The following SUFU variants were observed in gnomAD, a reference collection of about 807,000 sequenced individuals.
SUFU encodes suppressor of fused homolog.
Under a neutral mutation model 58.9 loss-of-function variants are expected in SUFU, and 7 were observed. The ratio of observed to expected loss-of-function variants is 0.12; its 90% CI spans 0.07 to 0.22. The LOEUF (loss-of-function observed/expected upper bound fraction) is 0.22. Among genes scored for constraint, SUFU ranks in the 10% least tolerant of loss-of-function variants. The pLI is 1.00. For synonymous variants in SUFU, 232 were observed against 254.8 expected (o/e 0.91, Z 0.85); for missense variants, 451 against 641.3 (o/e 0.70, Z 3.20).
chr10:102,559,846 C>T (rs990695322), intron 3 of SUFU, among the ~76,000 whole-genome samples: 2 of 152,190 alleles, frequency 1.3e-5, no homozygotes, highest in Non-Finnish European at 2.9e-5. Flanking sequence ...ATTTCATTTG[C>T]GTTTTTAGGA....
rs532537923 is a variant in SUFU at position 102,577,841 on chromosome 10, C to T, written c.455-14741C>T. Among the ~76,000 whole-genome samples, 26 of 150,904 alleles carry T rather than the reference C, an allele frequency of 1.7e-4. No individual in the cohort carries two copies. The South Asian group carries it at 2.3e-3, about 13-fold the overall frequency. On this transcript the variant is annotated intron_variant, in intron 3 of 11. Coordinates refer to ENST00000369902, the MANE Select transcript of SUFU (RefSeq NM_016169.4). ...GACTACAGGTGCCCACCACCATGCC[C>T]GGCTAATTTTTTTGTATTTTTAGTA...
At chr10:102,582,168 T>C (rs2063287138) in intron 3 of SUFU, among the ~76,000 whole-genome samples, 1 of 152,222 alleles carries the variant, frequency 6.6e-6, no homozygotes, top group Non-Finnish European at 1.5e-5. Flanking sequence ...AAGGGAACAT[T>C]AGTCCCCGCT....
chr10:102,579,189 G>A (rs1316388919), intron 3 of SUFU, among the ~76,000 whole-genome samples: 1 of 152,218 alleles, frequency 6.6e-6, no homozygotes, highest in Non-Finnish European at 1.5e-5. Flanking sequence ...ACAAGCTGTG[G>A]CCAGGTGAAC....
At chr10:102,572,124 G>T (rs570915734) in intron 3 of SUFU, among the ~76,000 whole-genome samples, 1 of 152,246 alleles carries the variant, frequency 6.6e-6, no homozygotes, top group South Asian at 2.1e-4. Flanking sequence ...GGAGTGCAAT[G>T]ATATGATCTT....
Position 102,594,180 on chromosome 10 carries a change from A to G in SUFU, c.756+115A>G, listed in dbSNP as rs966218051. ...CCTTTATGTGTGAGTGAGTAGAAATATGGCATCACTTGGAACTTGTCCCCT... is the reference window on the plus strand; with the variant it reads ...CCTTTATGTGTGAGTGAGTAGAAATGTGGCATCACTTGGAACTTGTCCCCT... On this transcript the variant is annotated intron_variant, in intron 6 of 11. Coordinates refer to ENST00000369902, the MANE Select transcript of SUFU (RefSeq NM_016169.4). 1.1e-5 allele frequency: 12 copies of G among 1,046,702 alleles called. 1 individual carries two copies. The highest frequency in any genetic ancestry group is 1.8e-5 in the Non-Finnish European group (12 of 680,146). The allele number at this position is 1,046,702 out of a possible 1,614,324, so 64.8% of individuals were successfully genotyped here. A position where few individuals can be genotyped will look rare whatever the true frequency, so the allele number is the denominator to read the frequency against.
At chr10:102,593,503 T>G (rs2063425716) in intron 4 of SUFU, 133 bp from the exon 5 acceptor site, 1 of 906,860 alleles carries the variant, frequency 1.1e-6, no homozygotes, top group Admixed American at 1.9e-5. Flanking sequence ...CAATCTTGGC[T>G]GCACCAGCTC....
At chr10:102,572,525 G>T (rs1451743678) in intron 3 of SUFU, among the ~76,000 whole-genome samples, 1 of 151,760 alleles carries the variant, frequency 6.6e-6, no homozygotes, top group Non-Finnish European at 1.5e-5. Context: ...GAGTAGCTGG[G>T]ATTACAGGCA....
At position 102,513,078 on chromosome 10, in the gene SUFU, T is replaced by G. The variant is rs546696844; in HGVS notation, c.317+3775T>G. The stretch of plus-strand genomic sequence containing the variant: ...GCGAGACCCTATCTCAAAAAATAAA[T>G]AAAGAAAGAAAAATAATAAAACACG... On this transcript the variant is annotated intron_variant, in intron 2 of 11. Coordinates refer to ENST00000369902, the MANE Select transcript of SUFU (RefSeq NM_016169.4). Among the ~76,000 whole-genome samples the G allele has an allele frequency of 1.2e-3, 180 of 152,008 alleles. 2 individuals are homozygous for G. Among genetic ancestry groups the G allele is most frequent in the Admixed American group, 7.4e-3 (112 of 15,238 alleles).
chr10:102,559,009 C>G (rs141189671), intron 3 of SUFU, among the ~76,000 whole-genome samples: 2 of 152,354 alleles, frequency 1.3e-5, no homozygotes, highest in African/African-American at 2.4e-5. Context: ...GCGATGTTCT[C>G]AAGGACCTGA....
chr10:102,619,084 A>C lies in SUFU; in HGVS notation c.1296+1656A>C, dbSNP rs777827562. On this transcript the variant is annotated intron_variant, in intron 10 of 11. Coordinates refer to ENST00000369902, the MANE Select transcript of SUFU (RefSeq NM_016169.4). The surrounding 1 kb of genome is among the most constrained non-coding windows in gnomAD (Gnocchi z 4.2). ...TCCTCAGCTCTGAACCTATCCTCGG[A>C]GCTCTGCCCTCCCGTCCTGGAACGT... 6 of 1,612,614 alleles carry C rather than the reference A, an allele frequency of 3.7e-6. No individual in the cohort carries two copies. The East Asian group carries it at 1.3e-4, about 36-fold the overall frequency.
At chr10:102,548,217 T>A (rs2062874463) in intron 2 of SUFU, among the ~76,000 whole-genome samples, 1 of 151,872 alleles carries the variant, frequency 6.6e-6, no homozygotes, top group Non-Finnish European at 1.5e-5. Flanking sequence ...ATACATAGAG[T>A]TTGATCATGA....
intron 2 of SUFU, among the ~76,000 whole-genome samples, chr10:102,514,586 A>G (rs940021453): frequency 1.2e-4 from 18 of 152,188 alleles, no homozygotes; most frequent in African/African-American, 4.3e-4. Flanking sequence ...CTCCCAACTG[A>G]CCTGAGTGGA....
At chr10:102,613,619 A>G (rs2063649348) in intron 8 of SUFU, among the ~76,000 whole-genome samples, 1 of 152,258 alleles carries the variant, frequency 6.6e-6, no homozygotes, top group African/African-American at 2.4e-5. Context: ...TGCCACTTGA[A>G]TGATAAATAA....
chr10:102,543,236 T>TA (rs2062822512), intron 2 of SUFU, among the ~76,000 whole-genome samples: 1 of 152,172 alleles, frequency 6.6e-6, no homozygotes, highest in Non-Finnish European at 1.5e-5. Flanking sequence ...ATGTCATACT[T>TA]ACTAATTTTT....
chr10:102,542,234 G>A (rs557934490), intron 2 of SUFU, among the ~76,000 whole-genome samples: 69 of 149,880 alleles, frequency 4.6e-4, no homozygotes, highest in African/African-American at 1.6e-3. Context: ...CCGGATTCAA[G>A]CGATTCTCCT....
At chr10:102,624,539 A>G (rs2063769327) in intron 10 of SUFU, among the ~76,000 whole-genome samples, 1 of 152,230 alleles carries the variant, frequency 6.6e-6, no homozygotes, top group South Asian at 2.1e-4. Context: ...TTTTAAAATA[A>G]CGTGAAGTTT....
At chr10:102,557,319 T>A (rs2135762172) in intron 3 of SUFU, among the ~76,000 whole-genome samples, 1 of 151,948 alleles carries the variant, frequency 6.6e-6, no homozygotes, top group East Asian at 1.9e-4. Context: ...GGCTCACATC[T>A]GTAATCCCAA....
chr10:102,592,453 C>A, intron 3 of SUFU, 129 bp from the exon 4 acceptor site: 1 of 1,036,854 alleles, frequency 9.6e-7, no homozygotes. Context: ...GTGAATGCTT[C>A]TCTTCCTTCA....
chr10:102,606,057 C>T (rs866478426), intron 8 of SUFU, among the ~76,000 whole-genome samples: 1 of 152,180 alleles, frequency 6.6e-6, no homozygotes, highest in Non-Finnish European at 1.5e-5. Flanking sequence ...AAAATTAAGA[C>T]TTTTCCGTTC....
Sources: gnomAD v4.1 joint callset for allele counts (sites outside exome capture counted in the v4.1 genomes callset) on GRCh38, gnomAD v4.1.1 for gene constraint, Gnocchi (gnomAD v3.1) non-coding constraint, MANE v1.5 for transcripts, NCBI Gene and HGNC (gene_info 2026-07-23, HGNC 2026-07-21) for gene names.